KCNAB2: variants seen among roughly 807,000 people sequenced by gnomAD.
The protein encoded by KCNAB2 is voltage-gated potassium channel subunit beta-2.
A neutral mutation model predicts 63.6 loss-of-function variants in KCNAB2; 29 were observed. The ratio of observed to expected loss-of-function variants is 0.46; its 90% CI spans 0.34 to 0.62. The LOEUF (loss-of-function observed/expected upper bound fraction) is 0.62, where lower values mean the gene tolerates loss of function less well. KCNAB2 is among the 20% of genes least tolerant of loss of function. KCNAB2 has a pLI of 0.01. For synonymous variants in KCNAB2, 222 were observed against 224.2 expected, an observed-to-expected ratio of 0.99 and a Z score of 0.09; for missense variants, 359 against 563.9, an observed-to-expected ratio of 0.64 and a Z score of 3.68.
At position 5,994,618 on chromosome 1, in the gene KCNAB2, C is replaced by T. The variant is rs1432345769; in HGVS notation, c.-53+1830C>T. ...GCCAGGCACTGGAGTTGGGGGGTGT[C>T]GTGAAAAAGTGTGAAACCCTTTTCG... is the stretch of plus-strand genomic sequence containing the variant. On this transcript the variant is annotated intron_variant, in intron 1 of 16. Coordinates refer to the KCNAB2 transcript ENST00000341524. This position sits in a 1 kb window ranked among gnomAD's most constrained non-coding sequence, Gnocchi z 5.4. Among the ~76,000 whole-genome samples the T allele has an allele frequency of 6.6e-6, 1 of 151,970 alleles. No homozygotes were observed. Among genetic ancestry groups the T allele is most frequent in the Non-Finnish European group, 1.5e-5 (1 of 67,988 alleles).
intron 2 of KCNAB2, among the ~76,000 whole-genome samples, chr1:6,067,067 G>C (rs1052025189): frequency 3.3e-5 from 5 of 152,178 alleles, no homozygotes; most frequent in African/African-American, 1.2e-4. Flanking sequence ...TCCCAGCTTT[G>C]TACAAAGGGT....
In KCNAB2 at chr1:6,046,069, C is replaced by T. The variant is rs1043329409; in HGVS notation, c.-141C>T. 3.0e-6 allele frequency: 3 copies of T among 985,468 alleles called. No individual in the cohort carries two copies. The highest frequency in any genetic ancestry group is 3.6e-6 in the Non-Finnish European group (3 of 829,932). The allele number at this position is 985,468 out of a possible 1,614,324, so 61.0% of individuals were successfully genotyped here. Reference sequence around the variant, plus strand: ...TCATTCACCAATTGCTTCTGACGTCCTGCAGTGACACTCCCTAATGAAAAA... The same window carrying T: ...TCATTCACCAATTGCTTCTGACGTCTTGCAGTGACACTCCCTAATGAAAAA... On this transcript the variant is annotated 5_prime_UTR_variant, in exon 1 of 16. Coordinates refer to ENST00000378083, the MANE Select transcript of KCNAB2 (RefSeq NM_001199862.2).
chr1:6,100,005 CCCT>C lies in KCNAB2; in HGVS notation c.*1433_*1435del. 1 of 1,540,304 alleles carries C rather than the reference CCCT, an allele frequency of 6.5e-7. No homozygotes were observed. Among genetic ancestry groups the C allele is most frequent in the Non-Finnish European group, 8.8e-7 (1 of 1,141,658 alleles). ...AGGGCTCCACTGAAGCCACCCCCACCCCTCGCCAGCTAGCTCCATAGGGAAGCC... is the reference window on the plus strand; with the variant it reads ...AGGGCTCCACTGAAGCCACCCCCACCCGCCAGCTAGCTCCATAGGGAAGCC... On this transcript the variant is annotated 3_prime_UTR_variant, in exon 16 of 16. Transcript: ENST00000378083.
intron 1 of KCNAB2, among the ~76,000 whole-genome samples, chr1:6,021,162 T>A (rs1028980960): frequency 1.3e-5 from 2 of 151,924 alleles, no homozygotes; most frequent in African/African-American, 2.4e-5. Flanking sequence ...CCAGCTAATT[T>A]TTTTATTTTA....
intron 2 of KCNAB2, among the ~76,000 whole-genome samples, chr1:6,066,326 C>G (rs1440902955): frequency 6.6e-6 from 1 of 152,224 alleles, no homozygotes. Context: ...CCCGGCCTCC[C>G]CAACTCCCCA....
At chr1:6,005,388 G>A (rs1261864474) in intron 1 of KCNAB2, among the ~76,000 whole-genome samples, 1 of 86,446 alleles carries the variant, frequency 1.2e-5, no homozygotes. Flanking sequence ...TGAACTGGGG[G>A]ATGTGGGAGC....
chr1:6,033,589 T>C (rs1659809928), upstream of KCNAB2, among the ~76,000 whole-genome samples: 1 of 152,200 alleles, frequency 6.6e-6, no homozygotes, highest in African/African-American at 2.4e-5. Context: ...GGTGTATGAT[T>C]GCGATCAAGA....
rs1029467237 is a variant in KCNAB2 at position 6,094,594 on chromosome 1, C to T, written c.732+109C>T. On this transcript the variant is annotated intron_variant, in intron 11 of 15. Coordinates refer to ENST00000378083, the MANE Select transcript of KCNAB2 (RefSeq NM_001199862.2). ...GTCTGTGCCTTTGGTCCCAACTGCACCGATGCCTGGGTGCTAAGGGAGGGA... is the reference window on the plus strand; with the variant it reads ...GTCTGTGCCTTTGGTCCCAACTGCATCGATGCCTGGGTGCTAAGGGAGGGA... 1.9e-4 allele frequency: 157 copies of T among 839,468 alleles called. 1 individual carries two copies. The South Asian group carries it at 2.2e-3, about 12-fold the overall frequency. 52.0% of individuals were successfully genotyped at this position (839,468 alleles called of 1,614,324 possible).
chr1:6,021,380 C>G (rs1053057280), intron 1 of KCNAB2, among the ~76,000 whole-genome samples: 1 of 152,186 alleles, frequency 6.6e-6, no homozygotes, highest in Non-Finnish European at 1.5e-5. Flanking sequence ...CTCCATGATG[C>G]AGAAGTTTCT....
intron 1 of KCNAB2, among the ~76,000 whole-genome samples, chr1:6,022,972 T>A (rs1163403218): frequency 6.9e-6 from 1 of 145,182 alleles, no homozygotes; most frequent in Non-Finnish European, 1.5e-5. Flanking sequence ...AACCCCTGCC[T>A]CCTGGGTTCA....
upstream of KCNAB2, chr1:6,045,783 TTG>T (rs753712023): frequency 1.6e-5 from 7 of 450,866 alleles, no homozygotes; most frequent in African/African-American, 4.3e-5. This position sits in a 1 kb window ranked among gnomAD's most constrained non-coding sequence, Gnocchi z 4.8. Context: ...GTCCAAAGGT[TTG>T]TGTTTCTGGC....
intron 2 of KCNAB2, among the ~76,000 whole-genome samples, chr1:6,057,723 C>G (rs1364293186): frequency 1.3e-5 from 2 of 152,122 alleles, no homozygotes; most frequent in Non-Finnish European, 2.9e-5. Context: ...TTTGCCTCCC[C>G]CAGTTTCTGG....
At chr1:6,030,631 G>T (rs1165005967), upstream of KCNAB2, among the ~76,000 whole-genome samples, 2 of 148,234 alleles carry the variant, frequency 1.3e-5, no homozygotes, top group Non-Finnish European at 3.0e-5. Flanking sequence ...GTGTGTATGT[G>T]TGTGTAGGTA....
chr1:6,004,998 G>GGGACATGGA (rs1657498071), intron 1 of KCNAB2, among the ~76,000 whole-genome samples: 6 of 109,730 alleles, frequency 5.5e-5, no homozygotes, highest in Middle Eastern at 5.1e-3. Flanking sequence ...AGAGATCTGG[G>GGGACATGGA]AGCTGAGCTA....
chr1:6,001,944 G>A (rs562368946), intron 1 of KCNAB2, among the ~76,000 whole-genome samples: 4 of 152,256 alleles, frequency 2.6e-5, no homozygotes, highest in African/African-American at 9.6e-5. Context: ...GAGCCCCCTC[G>A]ATGTCCTGTA....
At chr1:6,057,628 T>C (rs1411137153) in intron 2 of KCNAB2, among the ~76,000 whole-genome samples, 2 of 152,216 alleles carry the variant, frequency 1.3e-5, no homozygotes, top group African/African-American at 4.8e-5. Context: ...CAGAAGCTTT[T>C]TCTTTCCCAG....
intron 1 of KCNAB2, among the ~76,000 whole-genome samples, chr1:6,006,778 G>A (rs564285512): frequency 6.4e-5 from 9 of 141,466 alleles, no homozygotes; most frequent in Admixed American, 2.8e-4. Context: ...TGTCAGAAGC[G>A]CTACCTGACC....
Position 6,086,468 on chromosome 1 carries a change from A to G in KCNAB2, c.426-999A>G. On this transcript the variant is annotated intron_variant, in intron 6 of 15. Transcript: ENST00000378083. This position sits in a 1 kb window ranked among gnomAD's most constrained non-coding sequence, Gnocchi z 4.2. Reference sequence around the variant, plus strand: ...TGCCTCTGCCAGAGCTCTGTGGCCGATGCTTCGGGGCAGAGGAGGCCTCCT... The same window carrying G: ...TGCCTCTGCCAGAGCTCTGTGGCCGGTGCTTCGGGGCAGAGGAGGCCTCCT... 3.6e-6 allele frequency: 3 copies of G among 822,566 alleles called. No individual in the cohort carries two copies. The highest frequency in any genetic ancestry group is 4.4e-6 in the Non-Finnish European group (3 of 681,524). The allele number at this position is 822,566 out of a possible 1,614,324, so 51.0% of individuals were successfully genotyped here. A position where few individuals can be genotyped will look rare whatever the true frequency, so the allele number is the denominator to read the frequency against.
At chr1:6,050,115 CTG>C (rs1424590050) in intron 1 of KCNAB2, among the ~76,000 whole-genome samples, 3 of 152,338 alleles carry the variant, frequency 2.0e-5, no homozygotes, top group Admixed American at 6.5e-5. Context: ...GCTAAAGCCT[CTG>C]TAGCTGCCTC....
Sources: gnomAD v4.1 joint callset for allele counts (sites outside exome capture counted in the v4.1 genomes callset) on GRCh38, gnomAD v4.1.1 for gene constraint, Gnocchi (gnomAD v3.1) non-coding constraint, MANE v1.5 for transcripts, NCBI Gene and HGNC (gene_info 2026-07-23, HGNC 2026-07-21) for gene names.